DPP10: variants seen among roughly 807,000 people sequenced by gnomAD.
DPP10 encodes the protein dipeptidyl peptidase like 10.
DPP10 carries 33 observed loss-of-function variants against 120.9 expected under a neutral mutation model. The observed-to-expected ratio is 0.27, with a 90% CI of 0.21 to 0.37. DPP10 has a LOEUF of 0.37. Ranked by LOEUF, DPP10 falls within the 10% of genes least tolerant of loss-of-function variation. DPP10 has a pLI of 1.00. For missense variants in DPP10, 816 were observed against 942.8 expected (o/e 0.87, Z 1.76); for synonymous variants, 337 against 326.1 (o/e 1.03, Z -0.36).
intron 1 of DPP10, among the ~76,000 whole-genome samples, chr2:114,877,729 T>A (rs1223056904): frequency 6.6e-6 from 1 of 152,060 alleles, no homozygotes; most frequent in Non-Finnish European, 1.5e-5. Flanking sequence ...AAATCTAGTG[T>A]GGCATCTTTG....
intron 12 of DPP10, among the ~76,000 whole-genome samples, chr2:115,767,908 G>T (rs1350483397): frequency 6.6e-6 from 1 of 152,054 alleles, no homozygotes; most frequent in Non-Finnish European, 1.5e-5. Context: ...GTAATTAAAA[G>T]ATTTATTTTG....
intron 1 of DPP10, among the ~76,000 whole-genome samples, chr2:114,576,796 A>G (rs1364031280): frequency 6.6e-6 from 1 of 152,212 alleles, no homozygotes; most frequent in Non-Finnish European, 1.5e-5. Context: ...GTTCTTTGGC[A>G]TGTCTTTCCA....
At position 114,720,200 on chromosome 2, in the gene DPP10, C is replaced by T. The variant is rs985271213; in HGVS notation, c.60+277362C>T. On this transcript the variant is annotated intron_variant, in intron 1 of 25. Transcript: ENST00000410059. The stretch of plus-strand genomic sequence containing the variant: ...AGATCAGAGAGAACTTGCGAAAATT[C>T]TGAAAATTTTGAATGAGGCCCAGTT... 1.1e-4 allele frequency among the ~76,000 whole-genome samples: 16 copies of T among 152,152 alleles called. 1 individual carries two copies. The highest frequency in any genetic ancestry group is 3.3e-4 in the Admixed American group (5 of 15,278).
At chr2:115,715,067 C>T (rs1184540787) in intron 7 of DPP10, among the ~76,000 whole-genome samples, 1 of 147,736 alleles carries the variant, frequency 6.8e-6, no homozygotes, top group Non-Finnish European at 1.5e-5. Flanking sequence ...AAGCCAGGCG[C>T]AGTGGCTCAT....
At chr2:115,382,455 G>T (rs1462830142) in intron 3 of DPP10, among the ~76,000 whole-genome samples, 7 of 152,180 alleles carry the variant, frequency 4.6e-5, no homozygotes, top group African/African-American at 1.7e-4. Context: ...TGCACCCACT[G>T]TCTGGCACTT....
intron 1 of DPP10, among the ~76,000 whole-genome samples, chr2:114,524,233 G>A (rs1674910755): frequency 6.6e-6 from 1 of 152,220 alleles, no homozygotes; most frequent in South Asian, 2.1e-4. Context: ...GTGGAGGATG[G>A]GTTAGAGAGG....
chr2:115,373,747 T>C (rs978182776), intron 3 of DPP10, among the ~76,000 whole-genome samples: 5 of 151,772 alleles, frequency 3.3e-5, no homozygotes, highest in Non-Finnish European at 4.4e-5. Flanking sequence ...TGAGACTGGG[T>C]AGTTCAGGAA....
chr2:115,407,436 GGAAAT>G (rs2068598825), intron 3 of DPP10, among the ~76,000 whole-genome samples: 1 of 152,142 alleles, frequency 6.6e-6, no homozygotes, highest in Non-Finnish European at 1.5e-5. Context: ...GCTGCTTTGG[GGAAAT>G]GGCAGTCAGA....
intron 1 of DPP10, among the ~76,000 whole-genome samples, chr2:114,658,959 C>T (rs1287903120): frequency 1.3e-5 from 2 of 152,230 alleles, no homozygotes; most frequent in East Asian, 1.9e-4. Context: ...TCTCCCATGC[C>T]GTTCTCGTGA....
intron 1 of DPP10, among the ~76,000 whole-genome samples, chr2:114,497,719 T>C (rs909933408): frequency 2.0e-5 from 3 of 152,242 alleles, no homozygotes; most frequent in Admixed American, 1.3e-4. Flanking sequence ...AGTCAGTCAG[T>C]AAGTAGCGGA....
At chr2:114,964,247 C>T (rs1388507560) in intron 1 of DPP10, among the ~76,000 whole-genome samples, 1 of 151,944 alleles carries the variant, frequency 6.6e-6, no homozygotes, top group Non-Finnish European at 1.5e-5. Context: ...TTTTATTTTC[C>T]TTCCTTTCTT....
chr2:114,898,813 A>G (rs1033726832), intron 1 of DPP10, among the ~76,000 whole-genome samples: 11 of 152,212 alleles, frequency 7.2e-5, no homozygotes, highest in Non-Finnish European at 1.6e-4. Flanking sequence ...ATATTCAAGA[A>G]AAGAACAGGG....
intron 1 of DPP10, among the ~76,000 whole-genome samples, chr2:114,953,808 GT>G (rs1328542654): frequency 6.6e-6 from 1 of 151,920 alleles, no homozygotes; most frequent in Non-Finnish European, 1.5e-5. Context: ...ATTATTTAAT[GT>G]TTTGTTTGTT....
chr2:114,835,298 A>G (rs1357735557), intron 1 of DPP10: 7 of 151,772 alleles, frequency 4.6e-5, no homozygotes, highest in Non-Finnish European at 8.8e-5. Flanking sequence ...ACACCTATGT[A>G]TATATAAGAC....
At chr2:115,399,413 T>G (rs2067905875) in intron 3 of DPP10, among the ~76,000 whole-genome samples, 1 of 152,148 alleles carries the variant, frequency 6.6e-6, no homozygotes, top group African/African-American at 2.4e-5. Flanking sequence ...CTATTTAACT[T>G]TCTCATTTAT....
At chr2:114,646,704 G>T (rs938946382) in intron 1 of DPP10, among the ~76,000 whole-genome samples, 2 of 152,248 alleles carry the variant, frequency 1.3e-5, no homozygotes, top group East Asian at 3.9e-4. Context: ...GGGCAGGCTG[G>T]GCACCCTTTC....
intron 5 of DPP10, among the ~76,000 whole-genome samples, chr2:115,596,275 G>T (rs1444646436): frequency 2.0e-5 from 3 of 152,154 alleles, no homozygotes; most frequent in Non-Finnish European, 4.4e-5. Flanking sequence ...GTCTGAAGAT[G>T]TTTCCATTTT....
In DPP10 at chr2:115,463,551, G is replaced by C. The variant is rs562469906; in HGVS notation, c.272-35959G>C. Among the ~76,000 whole-genome samples, 5 of 152,276 alleles carry C rather than the reference G, an allele frequency of 3.3e-5. No homozygotes were observed. In the South Asian group the frequency reaches 1.0e-3, roughly 32 times the overall value. On this transcript the variant is annotated intron_variant, in intron 3 of 25. Transcript: ENST00000410059. Reference sequence around the variant, plus strand: ...CACATATCTGTCCATAAGTAGTGATGCCATAAAATTGTCTATCCTTCACCT... The same window carrying C: ...CACATATCTGTCCATAAGTAGTGATCCCATAAAATTGTCTATCCTTCACCT...
chr2:115,784,276 A>C (rs1429664200), intron 17 of DPP10, among the ~76,000 whole-genome samples: 1 of 152,176 alleles, frequency 6.6e-6, no homozygotes, highest in Non-Finnish European at 1.5e-5. Flanking sequence ...AAATATACCA[A>C]TGAGTAAGTC....
Sources: allele counts gnomAD v4.1 joint callset (sites outside exome capture counted in the v4.1 genomes callset), GRCh38; gene constraint gnomAD v4.1.1; transcripts MANE v1.5; gene names NCBI Gene and HGNC (gene_info 2026-07-23, HGNC 2026-07-21).